The following RNF32 variants were observed in gnomAD, a reference collection of about 807,000 sequenced individuals.
RNF32 encodes the protein ring finger protein 32.
Under a neutral mutation model 41.0 loss-of-function variants are expected in RNF32, and 36 were observed. The ratio of observed to expected loss-of-function variants is 0.88; its 90% CI spans 0.67 to 1.16. The LOEUF (loss-of-function observed/expected upper bound fraction) is 1.16. Ranked by LOEUF, RNF32 falls within the 50% of genes most tolerant of loss-of-function variation. The pLI is 0.00. For missense variants in RNF32, 413 were observed against 436.7 expected, an observed-to-expected ratio of 0.95 and a Z score of 0.48; for synonymous variants, 154 against 160.9, an observed-to-expected ratio of 0.96 and a Z score of 0.32.
At chr7:156,643,148 C>A (rs1231447891) in intron 1 of RNF32, 1 of 152,186 alleles carries the variant, frequency 6.6e-6, no homozygotes, top group South Asian at 2.1e-4. Flanking sequence ...TTAATCCTTG[C>A]GGCAACCCTG....
intron 1 of RNF32, among the ~76,000 whole-genome samples, chr7:156,641,165 C>A (rs1386054175): frequency 6.6e-6 from 1 of 152,206 alleles, no homozygotes; most frequent in Admixed American, 6.5e-5. Flanking sequence ...GAATTGGAGC[C>A]TCGTCACCGC....
At position 156,676,419 on chromosome 7, in the gene RNF32, G is replaced by A. The variant is rs1419061716; in HGVS notation, c.853G>A (p.Ala285Thr). ...EEEWEKIQVQALRRETHECSI... is the reference protein window; with the variant it reads ...EEEWEKIQVQTLRRETHECSI... Reference sequence around the variant, plus strand: ...CCTCTTCCCGTCCTGTGTGCCGCAGGCTCTGCGCCGGGAGACCCACGAGTG... The same window carrying A: ...CCTCTTCCCGTCCTGTGTGCCGCAGACTCTGCGCCGGGAGACCCACGAGTG... The change falls in exon 9 of 9, where the codon GCT becomes ACT. Residue 285 changes from alanine to threonine, a missense_variant and splice_region_variant. Transcript: ENST00000317955. 1.2e-6 allele frequency: 2 copies of A among 1,614,094 alleles called. No individual in the cohort carries two copies. Among genetic ancestry groups the A allele is most frequent in the Non-Finnish European group, 1.7e-6 (2 of 1,179,984 alleles).
chr7:156,666,080 AAG>A (rs1332417823), intron 7 of RNF32, among the ~76,000 whole-genome samples: 1 of 152,182 alleles, frequency 6.6e-6, no homozygotes, highest in Non-Finnish European at 1.5e-5. Context: ...CCTTTGGGGA[AAG>A]AGAAGTCTAA....
chr7:156,665,314 C>T (rs556376036), intron 7 of RNF32, among the ~76,000 whole-genome samples: 1 of 152,294 alleles, frequency 6.6e-6, no homozygotes, highest in African/African-American at 2.4e-5. Context: ...GAAGCCACCC[C>T]TGAGTCTGTT....
At chr7:156,660,296 T>A (rs1196798780) in intron 7 of RNF32, 19 of 983,450 alleles carry the variant, frequency 1.9e-5, no homozygotes, top group Non-Finnish European at 2.3e-5. Context: ...CTATTGTATG[T>A]TTAAACAACA....
intron 3 of RNF32, among the ~76,000 whole-genome samples, chr7:156,650,222 G>C (rs1157104803): frequency 6.6e-6 from 1 of 152,240 alleles, no homozygotes. Context: ...GTGCTGCCCC[G>C]TGCATGGACA....
Position 156,640,781 on chromosome 7 carries a change from C to G in RNF32, c.-108C>G. The stretch of plus-strand genomic sequence containing the variant: ...GCCTGAGGGAAAAGGGGCAGACGTC[C>G]CTGGGTTCCGGTGTTCGCGGAGGAG... On this transcript the variant is annotated 5_prime_UTR_variant, in exon 1 of 9. Coordinates refer to ENST00000317955, the MANE Select transcript of RNF32 (RefSeq NM_030936.4). 4.0e-6 allele frequency: 1 copy of G among 250,000 alleles called. No homozygotes were observed. The highest frequency in any genetic ancestry group is 8.0e-6 in the Non-Finnish European group (1 of 125,722). 15.5% of individuals were successfully genotyped at this position (250,000 alleles called of 1,614,324 possible). A position where few individuals can be genotyped will look rare whatever the true frequency, so the allele number is the denominator to read the frequency against.
rs776884824 is a variant in RNF32 at position 156,644,638 on chromosome 7, T to C, written c.155T>C (p.Leu52Pro). 9.3e-6 allele frequency: 15 copies of C among 1,613,236 alleles called. No individual in the cohort carries two copies. Among genetic ancestry groups the C allele is most frequent in the Non-Finnish European group, 1.3e-5 (15 of 1,179,434 alleles). The change falls in exon 3 of 9, where the codon CTA becomes CCA. Residue 52 changes from leucine (L) to proline (P), a missense_variant. Coordinates refer to ENST00000317955, the MANE Select transcript of RNF32 (RefSeq NM_030936.4). ...TQVQKKENKSLKRDTKAIIDT... is the reference protein window; with the variant it reads ...TQVQKKENKSPKRDTKAIIDT... ...GTACAAAAGAAAGAGAACAAATCTC[T>C]AAAAAGAGATACAAAGGCAATAATA...
chr7:156,650,434 A>G lies in RNF32; in HGVS notation c.275-4142A>G, dbSNP rs1463414036. ...AAGAGACCTCTGTGAGGCTGAGCCCATTTCCACTGACGCGCAGTGGGGTTC... is the reference window on the plus strand; with the variant it reads ...AAGAGACCTCTGTGAGGCTGAGCCCGTTTCCACTGACGCGCAGTGGGGTTC... On this transcript the variant is annotated intron_variant, in intron 3 of 8. Transcript: ENST00000317955. Among the ~76,000 whole-genome samples the G allele has an allele frequency of 2.6e-5, 4 of 152,226 alleles. No homozygotes were observed. In the South Asian group the frequency reaches 8.3e-4, roughly 32 times the overall value.
intron 4 of RNF32, among the ~76,000 whole-genome samples, chr7:156,655,966 T>C (rs1209405603): frequency 6.6e-6 from 1 of 152,252 alleles, no homozygotes; most frequent in African/African-American, 2.4e-5. Flanking sequence ...TTCTGATTTT[T>C]ATAAATTTCT....
rs1391808816 is a variant in RNF32 at position 156,658,502 on chromosome 7, T to C, written c.616T>C (p.Tyr206His). The C allele has an allele frequency of 6.2e-7, 1 of 1,613,700 alleles. No homozygotes were observed. Among genetic ancestry groups the C allele is most frequent in the Non-Finnish European group, 8.5e-7 (1 of 1,179,736 alleles). ...YWRGCVVRKW[Y>H]RNLRKTVPPT... The stretch of plus-strand genomic sequence containing the variant: ...GAGAGGATGTGTTGTTAGAAAGTGG[T>C]ACAGAAACCTGAGGAAAACAGTACC... Residue 206 changes from tyrosine (Y) to histidine (H), a missense_variant, in exon 7 of 9, where the codon TAC (tyrosine) becomes CAC (histidine). By Grantham distance (83) the Tyr-to-His change is moderately conservative (BLOSUM62 2). Transcript: ENST00000317955.
upstream of RNF32, chr7:156,640,687 T>A (rs1231836868): frequency 1.7e-5 from 5 of 301,770 alleles, no homozygotes; most frequent in Non-Finnish European, 2.5e-5. Flanking sequence ...GCAGGGCTGG[T>A]GAGCAAGCCC....
intron 7 of RNF32, chr7:156,659,816 G>A (rs527837176): frequency 1.7e-5 from 13 of 776,098 alleles, no homozygotes; most frequent in African/African-American, 7.5e-5. Context: ...AAGTTTCAGC[G>A]TTCAGTGCTC....
rs983970382 is a variant in RNF32 at position 156,669,945 on chromosome 7, G to C, written c.685-5751G>C. ...ATGAAACACAGATCCCTGTTTAAAA[G>C]AAAGAAAACATGGGAAAGTGCCATC... On this transcript the variant is annotated intron_variant, in intron 7 of 8. Coordinates refer to ENST00000317955, the MANE Select transcript of RNF32 (RefSeq NM_030936.4). The surrounding 1 kb of genome is among the most constrained non-coding windows in gnomAD (Gnocchi z 4.2). Among the ~76,000 whole-genome samples, 1 of 152,188 alleles carries C rather than the reference G, an allele frequency of 6.6e-6. No individual in the cohort carries two copies. Among genetic ancestry groups the C allele is most frequent in the African/African-American group, 2.4e-5 (1 of 41,454 alleles).
At chr7:156,672,180 C>T (rs553951370) in intron 7 of RNF32, among the ~76,000 whole-genome samples, 6 of 152,262 alleles carry the variant, frequency 3.9e-5, no homozygotes, top group African/African-American at 1.4e-4. Flanking sequence ...GGCCACCCTC[C>T]CTGAGATTTA....
chr7:156,655,258 CACACAGAG>C (rs1799443768), intron 4 of RNF32, among the ~76,000 whole-genome samples: 1 of 151,624 alleles, frequency 6.6e-6, no homozygotes, highest in South Asian at 2.1e-4. Context: ...CACACACACA[CACACAGAG>C]AGAGAGAGAG....
rs1476348277 is a variant in RNF32 at position 156,657,541 on chromosome 7, G to T, written c.418G>T (p.Val140Leu). ...CGTCGTTCTGTTTCCTCATGAACAGGTGCTGCTTTCATGCTCCCATGTGTT... is the reference window on the plus strand; with the variant it reads ...CGTCGTTCTGTTTCCTCATGAACAGTTGCTGCTTTCATGCTCCCATGTGTT... The part of the protein sequence containing the change: ...CKEEFELRPQ[V>L]LLSCSHVFHK... The change falls in exon 5 of 9, where the codon GTG becomes TTG. Residue 140 changes from valine (V) to leucine (L), a missense_variant and splice_region_variant. By Grantham distance (32) the Val-to-Leu change is conservative. Transcript: ENST00000317955. The T allele has an allele frequency of 1.9e-6, 3 of 1,613,968 alleles. No individual in the cohort carries two copies.
At chr7:156,657,376 G>C (rs1253263840) in intron 4 of RNF32, 165 bp from the exon 5 acceptor site, 1 of 662,386 alleles carries the variant, frequency 1.5e-6, no homozygotes. Context: ...GTATATACTT[G>C]TGCTGTGCTA....
intron 3 of RNF32, among the ~76,000 whole-genome samples, chr7:156,651,914 G>A (rs959475458): frequency 5.3e-5 from 8 of 151,882 alleles, no homozygotes; most frequent in Non-Finnish European, 1.0e-4. Flanking sequence ...CCCCTCCCCC[G>A]GCCCCTCCCC....
Sources: allele counts gnomAD v4.1 joint callset (sites outside exome capture counted in the v4.1 genomes callset), GRCh38; gene constraint gnomAD v4.1.1; non-coding constraint Gnocchi (gnomAD v3.1); transcripts MANE v1.5; gene names NCBI Gene and HGNC (gene_info 2026-07-23, HGNC 2026-07-21).